Variants in SNX5 observed in about 807,000 individuals in gnomAD.
The protein encoded by SNX5 is sorting nexin-5.
Under a neutral mutation model 53.9 loss-of-function variants are expected in SNX5, and 31 were observed. The ratio of observed to expected loss-of-function variants is 0.58; its 90% CI spans 0.43 to 0.78. The LOEUF is 0.78. Among genes scored for constraint, SNX5 ranks in the 30% least tolerant of loss-of-function variants. SNX5 has a pLI of 0.00. For synonymous variants in SNX5, 168 were observed against 171.1 expected (o/e 0.98, Z 0.14); for missense variants, 471 against 478.8 (o/e 0.98, Z 0.15).
chr20:17,962,013 T>C (rs2035461101), intron 1 of SNX5: 3 of 969,084 alleles, frequency 3.1e-6, no homozygotes, highest in Non-Finnish European at 3.7e-6. Flanking sequence ...AAACACATGC[T>C]ACTTTGTTAC....
chr20:17,945,675 T>C (rs1467620372), intron 11 of SNX5: 1 of 152,040 alleles, frequency 6.6e-6, no homozygotes, highest in African/African-American at 2.4e-5. Context: ...GAAGGTTACT[T>C]TGGAAGAACC....
intron 2 of SNX5, among the ~76,000 whole-genome samples, chr20:17,955,812 G>A (rs2035342491): frequency 6.6e-6 from 1 of 152,112 alleles, no homozygotes; most frequent in Admixed American, 6.6e-5. Context: ...TTTTGGGACA[G>A]GGTCTGGCTG....
chr20:17,952,239 A>G (rs2039580802), intron 5 of SNX5, among the ~76,000 whole-genome samples: 1 of 152,216 alleles, frequency 6.6e-6, no homozygotes, highest in South Asian at 2.1e-4. Flanking sequence ...GAAAAGAAAA[A>G]AGTCATAATT....
chr20:17,960,862 T>A (rs576743828), intron 1 of SNX5, among the ~76,000 whole-genome samples: 10 of 152,236 alleles, frequency 6.6e-5, no homozygotes, highest in South Asian at 4.1e-4. Flanking sequence ...TCAGAATTTT[T>A]AAAAAATTTT....
chr20:17,947,915 A>T (rs923608308), intron 10 of SNX5, among the ~76,000 whole-genome samples: 1 of 152,230 alleles, frequency 6.6e-6, no homozygotes, highest in Non-Finnish European at 1.5e-5. Flanking sequence ...TCAGTAAATA[A>T]AGTTAACTTT....
chr20:17,966,620 G>A (rs2035541708), intron 1 of SNX5, among the ~76,000 whole-genome samples: 1 of 152,164 alleles, frequency 6.6e-6, no homozygotes, highest in Non-Finnish European at 1.5e-5. Context: ...AAATCCTGAA[G>A]AATCAAGTAT....
intron 1 of SNX5, among the ~76,000 whole-genome samples, chr20:17,965,013 AAG>A (rs1568598865): frequency 6.6e-6 from 1 of 152,216 alleles, no homozygotes; most frequent in Admixed American, 6.5e-5. Flanking sequence ...TATTCTCACA[AAG>A]ATATCCAACA....
chr20:17,955,614 C>T (rs921243425), intron 2 of SNX5, 139 bp from the exon 3 acceptor site: 1 of 597,446 alleles, frequency 1.7e-6, no homozygotes, highest in East Asian at 2.8e-5. Flanking sequence ...TATACATGAT[C>T]TCCTGTCATG....
At position 17,946,363 on chromosome 20, in the gene SNX5, T is replaced by C. The variant is rs368582366; in HGVS notation, c.1078+1123A>G. Among the ~76,000 whole-genome samples, 22 of 152,212 alleles carry C rather than the reference T, an allele frequency of 1.4e-4. No homozygotes were observed. The East Asian group carries it at 2.7e-3, about 19-fold the overall frequency. ...AAAGAACCCTGGCTCCTTGAAAAAA[T>C]GGCCAGTTTCAAGGCTGGAGCAGAG... On this transcript the variant is annotated intron_variant, in intron 11 of 12. Transcript: ENST00000377759.
At chr20:17,960,131 T>G (rs978813867) in intron 1 of SNX5, among the ~76,000 whole-genome samples, 1 of 152,146 alleles carries the variant, frequency 6.6e-6, no homozygotes, top group African/African-American at 2.4e-5. Flanking sequence ...AGAATCAAAT[T>G]GAAAATATAC....
At position 17,951,357 on chromosome 20, in the gene SNX5, G is replaced by A. The variant is rs1288015072; in HGVS notation, c.609+143C>T. ...GAAATAAGTGAAAATTGAATAAGTA[G>A]ATGAAAATTACCAAAATCTGAAGAA... On this transcript the variant is annotated intron_variant, in intron 6 of 12. Transcript: ENST00000377759. 4.9e-6 allele frequency: 3 copies of A among 617,114 alleles called. No individual in the cohort carries two copies. In the Admixed American group the frequency reaches 8.7e-5, roughly 18 times the overall value. 38.2% of individuals were successfully genotyped at this position (617,114 alleles called of 1,614,324 possible).
At chr20:17,950,479 A>T in intron 6 of SNX5, 83 bp from the exon 7 acceptor site, 1 of 775,184 alleles carries the variant, frequency 1.3e-6, no homozygotes, top group Non-Finnish European at 2.1e-6. Flanking sequence ...ATAAAAATAT[A>T]TTGCTTAGAA....
At chr20:17,967,967 G>A (rs1028538994) in intron 1 of SNX5, 5 of 397,714 alleles carry the variant, frequency 1.3e-5, no homozygotes, top group African/African-American at 1.0e-4. Context: ...TAAAAGGTGG[G>A]GGGAAGGAGG....
At chr20:17,943,463 C>G (rs2039444759) in intron 11 of SNX5, 1 of 399,530 alleles carries the variant, frequency 2.5e-6, no homozygotes, top group Non-Finnish European at 4.6e-6. Flanking sequence ...TTGGAGAACA[C>G]GTTGATGAGC....
chr20:17,966,449 A>G (rs2035538852), intron 1 of SNX5, among the ~76,000 whole-genome samples: 2 of 152,094 alleles, frequency 1.3e-5, no homozygotes, highest in Admixed American at 6.6e-5. Flanking sequence ...TTAACCATGC[A>G]TCTCTTCCCC....
chr20:17,956,697 A>AAAC (rs2035365445), intron 2 of SNX5, among the ~76,000 whole-genome samples: 13 of 126,638 alleles, frequency 1.0e-4, no homozygotes, highest in South Asian at 5.1e-4. Context: ...AAAAAAAAAA[A>AAAC]AAAAAAACAA....
At chr20:17,962,535 C>T (rs1361403804) in intron 1 of SNX5, among the ~76,000 whole-genome samples, 2 of 150,344 alleles carry the variant, frequency 1.3e-5, no homozygotes, top group African/African-American at 5.0e-5. Context: ...GGCTCTCATT[C>T]CCTAGCCATT....
intron 3 of SNX5, chr20:17,954,323 CTT>C: frequency 1.7e-6 from 1 of 600,512 alleles, no homozygotes; most frequent in South Asian, 2.1e-5. Flanking sequence ...TGCATATTCA[CTT>C]TGATGGCAAT....
At chr20:17,967,361 AAAC>A (rs1447197058) in intron 1 of SNX5, among the ~76,000 whole-genome samples, 3 of 151,802 alleles carry the variant, frequency 2.0e-5, no homozygotes, top group Non-Finnish European at 2.9e-5. Context: ...AAACCACTCT[AAAC>A]AACACCCTCC....
Sources: allele counts gnomAD v4.1 joint callset (sites outside exome capture counted in the v4.1 genomes callset), GRCh38; gene constraint gnomAD v4.1.1; transcripts MANE v1.5; gene names NCBI Gene and HGNC (gene_info 2026-07-23, HGNC 2026-07-21).